ANKS3: variants seen among roughly 807,000 people sequenced by gnomAD.
ANKS3 encodes the protein ankyrin repeat and SAM domain-containing protein 3.
Under a neutral mutation model 80.7 loss-of-function variants are expected in ANKS3, and 62 were observed. The ratio of observed to expected loss-of-function variants is 0.77; its 90% CI spans 0.63 to 0.95. The LOEUF is 0.95. Among genes scored for constraint, ANKS3 ranks in the 40% least tolerant of loss-of-function variants. The probability of loss-of-function intolerance (pLI) is 0.00; values close to 1 mark genes in which losing one functional copy is unlikely to be tolerated. For missense variants in ANKS3, 1,150 were observed against 883.6 expected (o/e 1.30, Z -3.82); for synonymous variants, 489 against 355.3 (o/e 1.38, Z -4.23).
At chr16:4,697,863 C>T (rs1191109166) in intron 15 of ANKS3, 114 bp downstream of exon 15, 1 of 1,027,100 alleles carries the variant, frequency 9.7e-7, no homozygotes. Flanking sequence ...ACACAGGGAC[C>T]TGGGAGAGTG....
chr16:4,699,510 T>A (rs1266550261), intron 11 of ANKS3: 1 of 302,976 alleles, frequency 3.3e-6, no homozygotes, highest in Non-Finnish European at 6.4e-6. Context: ...TGCCCTCTAA[T>A]TCTAGAGTCT....
chr16:4,731,000 TC>T (rs2081587250), intron 2 of ANKS3, among the ~76,000 whole-genome samples: 1 of 152,180 alleles, frequency 6.6e-6, no homozygotes, highest in African/African-American at 2.4e-5. Context: ...CGGTGGCACA[TC>T]CATATAATGG....
intron 8 of ANKS3, among the ~76,000 whole-genome samples, chr16:4,702,478 C>G (rs934035186): frequency 6.6e-6 from 1 of 152,194 alleles, no homozygotes; most frequent in African/African-American, 2.4e-5. Context: ...AGCCTGGGCC[C>G]TCTCCATTTC....
chr16:4,729,992 T>A lies in ANKS3; in HGVS notation c.158A>T (p.Glu53Val), dbSNP rs745400383. The A allele has an allele frequency of 1.3e-6, 2 of 1,524,316 alleles. No individual in the cohort carries two copies. Among genetic ancestry groups the A allele is most frequent in the Non-Finnish European group, 8.9e-7 (1 of 1,126,842 alleles). The allele number at this position is 1,524,316 out of a possible 1,614,324, so 94.4% of individuals were successfully genotyped here. ...ASIGQYEVVK[E>V]CVQRRELDLN... The stretch of plus-strand genomic sequence containing the variant: ...CGAGATCTCTTACCGCTGCACACAC[T>A]CCTTCACCACTTCATACTGGCCAAT... The change falls in exon 3 of 18, where the codon GAG becomes GTG. Residue 53 changes from glutamate to valine, a missense_variant. Transcript: ENST00000304283.
At chr16:4,723,613 C>A (rs73504496) in intron 6 of ANKS3, among the ~76,000 whole-genome samples, 6,268 of 152,286 alleles carry the variant, frequency 0.041, 180 homozygotes, top group African/African-American at 0.082. Flanking sequence ...GGGTTCACCC[C>A]TGCCGCAGCA....
At chr16:4,729,772 T>C (rs2081529089) in intron 3 of ANKS3, 3 of 425,112 alleles carry the variant, frequency 7.1e-6, no homozygotes, top group Non-Finnish European at 1.2e-5. Flanking sequence ...TGATCAAAGT[T>C]TACTCCCTCT....
intron 6 of ANKS3, among the ~76,000 whole-genome samples, chr16:4,719,109 A>AG: frequency 6.6e-6 from 1 of 152,132 alleles, no homozygotes; most frequent in Middle Eastern, 3.4e-3. Context: ...CCAAGGTGGG[A>AG]GGACCACTTG....
At chr16:4,697,234 G>C in intron 16 of ANKS3, 99 bp downstream of exon 16, 1 of 1,539,600 alleles carries the variant, frequency 6.5e-7, no homozygotes, top group Admixed American at 1.7e-5. Context: ...GGTCAGCCTT[G>C]GGGTAGAGAG....
In ANKS3 at chr16:4,702,193, G is replaced by C. The variant is rs1359984467; in HGVS notation, c.918C>G (p.Asn306Lys). Residue 306 changes from asparagine to lysine, a missense_variant, in exon 9 of 18, where the codon AAC becomes AAG. By Grantham distance (94) the Asn-to-Lys change is moderately conservative. Transcript: ENST00000304283. ...AGCAGAGGCCCTCTTCTTCCAGGGG[G>C]TTCTCGCCACTGCTGTTGAAGGTGA... Reference protein sequence around the residue: ...GYVTFNSSGENPLEEEGLCCR... With the variant: ...GYVTFNSSGEKPLEEEGLCCR... 5 of 1,593,614 alleles carry C rather than the reference G, an allele frequency of 3.1e-6. No homozygotes were observed. The South Asian group carries it at 3.4e-5, about 11-fold the overall frequency.
At chr16:4,697,606 CA>C (rs146999925) in intron 15 of ANKS3, among the ~76,000 whole-genome samples, 190 bp from the exon 16 acceptor site, 5,943 of 152,318 alleles carry the variant, frequency 0.039, 190 homozygotes, top group Non-Finnish European at 0.057. Flanking sequence ...ACAGGCTGAG[CA>C]AACACTACGA....
chr16:4,698,241 C>T (rs1324920426), intron 14 of ANKS3, 179 bp from the exon 15 acceptor site: 2 of 1,133,524 alleles, frequency 1.8e-6, no homozygotes, highest in Non-Finnish European at 2.4e-6. Context: ...GTGCAGATTC[C>T]CGGACCCAAC....
intron 14 of ANKS3, 108 bp downstream of exon 14, chr16:4,698,319 G>GA (rs1432779361): frequency 7.2e-7 from 1 of 1,396,640 alleles, no homozygotes; most frequent in Non-Finnish European, 9.4e-7. Context: ...TCCAGACCCT[G>GA]AAATCCACCC....
intron 7 of ANKS3, among the ~76,000 whole-genome samples, chr16:4,711,289 G>A (rs1325494507): frequency 6.6e-6 from 1 of 151,326 alleles, no homozygotes; most frequent in Admixed American, 6.6e-5. Flanking sequence ...TTTTAGTAGA[G>A]ATGGGGTTTC....
intron 6 of ANKS3, among the ~76,000 whole-genome samples, chr16:4,722,574 T>C (rs1186477830): frequency 4.0e-5 from 4 of 99,110 alleles, no homozygotes; most frequent in African/African-American, 1.7e-4. Context: ...AGACTCAGTC[T>C]CAAAAAAAAA....
chr16:4,698,047 C>G lies in ANKS3; in HGVS notation c.1740G>C (p.Glu580Asp), dbSNP rs1312925264. 2 of 1,609,046 alleles carry G rather than the reference C, an allele frequency of 1.2e-6. No homozygotes were observed. Among genetic ancestry groups the G allele is most frequent in the Non-Finnish European group, 1.7e-6 (2 of 1,178,506 alleles). ...GGTCCTGCCTCACTCGAGATGACAG[C>G]TCAGCTTGACAGGCTCTGCCAGACA... is the stretch of plus-strand genomic sequence containing the variant. Reference protein sequence around the residue: ...VLDQLRACQAELSSRVRQDQP... With the variant: ...VLDQLRACQADLSSRVRQDQP... The change falls in exon 15 of 18, where the codon GAG becomes GAC. Residue 580 changes from glutamate to aspartate, a missense_variant. Transcript: ENST00000304283.
At chr16:4,704,278 G>C (rs1439623883) in intron 8 of ANKS3, among the ~76,000 whole-genome samples, 1 of 152,136 alleles carries the variant, frequency 6.6e-6, no homozygotes, top group Non-Finnish European at 1.5e-5. Context: ...ATTACTGGTG[G>C]ACCCCTGGCT....
intron 5 of ANKS3, 121 bp downstream of exon 5, chr16:4,726,538 T>G: frequency 6.6e-6 from 7 of 1,053,856 alleles, no homozygotes; most frequent in Non-Finnish European, 9.7e-6. Flanking sequence ...CCCCTCATCT[T>G]GAGCCTCTCG....
intron 15 of ANKS3, among the ~76,000 whole-genome samples, chr16:4,697,656 T>C: frequency 6.6e-6 from 1 of 152,210 alleles, no homozygotes; most frequent in Admixed American, 6.5e-5. Flanking sequence ...GCTCTGCCGG[T>C]GGGGACCCGG....
intron 6 of ANKS3, among the ~76,000 whole-genome samples, chr16:4,714,624 C>T (rs1037553335): frequency 6.6e-6 from 1 of 152,226 alleles, no homozygotes; most frequent in Non-Finnish European, 1.5e-5. Flanking sequence ...ATTTACAGGT[C>T]TTGCAGCGCA....
Sources: gnomAD v4.1 joint callset for allele counts (sites outside exome capture counted in the v4.1 genomes callset) on GRCh38, gnomAD v4.1.1 for gene constraint, MANE v1.5 for transcripts, NCBI Gene and HGNC (gene_info 2026-07-23, HGNC 2026-07-21) for gene names.